KIAA1671: variants seen among roughly 807,000 people sequenced by gnomAD.
KIAA1671 encodes KIAA1671, also known as uncharacterized protein KIAA1671.
Under a neutral mutation model 131.2 loss-of-function variants are expected in KIAA1671, and 52 were observed. The ratio of observed to expected loss-of-function variants is 0.40; its 90% CI spans 0.32 to 0.50. KIAA1671 has a LOEUF of 0.50. Among genes scored for constraint, KIAA1671 ranks in the 20% least tolerant of loss-of-function variants. The pLI, the probability that KIAA1671 is intolerant of heterozygous loss-of-function variation, is 0.73. For synonymous variants in KIAA1671, 1,003 were observed against 961.6 expected (o/e 1.04, Z -0.80); for missense variants, 2,360 against 2,364.2 (o/e 1.00, Z 0.04).
intron 1 of KIAA1671, among the ~76,000 whole-genome samples, chr22:24,990,379 C>G (rs1229855460): frequency 2.0e-5 from 3 of 152,202 alleles, no homozygotes; most frequent in African/African-American, 7.2e-5. Context: ...GTGTGAGCCA[C>G]CTTGCCTGGC....
intron 4 of KIAA1671, among the ~76,000 whole-genome samples, chr22:25,036,425 A>G (rs1415375296): frequency 1.3e-5 from 2 of 152,172 alleles, no homozygotes; most frequent in Non-Finnish European, 2.9e-5. Flanking sequence ...AACATAAAAT[A>G]TATCATTTTA....
At chr22:25,122,150 A>T (rs537773826) in intron 6 of KIAA1671, among the ~76,000 whole-genome samples, 5 of 152,290 alleles carry the variant, frequency 3.3e-5, no homozygotes, top group African/African-American at 1.2e-4. Context: ...TTGGTGCATA[A>T]TAGTGAGGTA....
intron 6 of KIAA1671, among the ~76,000 whole-genome samples, chr22:25,165,564 T>TGTGGCTGAAATTCA (rs1933617305): frequency 6.6e-6 from 1 of 152,238 alleles, no homozygotes; most frequent in Non-Finnish European, 1.5e-5. Context: ...ATATGGCTAG[T>TGTGGCTGAAATTCA]GCCACAGGGG....
chr22:25,074,052 A>G (rs1928967933), intron 6 of KIAA1671, among the ~76,000 whole-genome samples: 1 of 152,130 alleles, frequency 6.6e-6, no homozygotes, highest in East Asian at 1.9e-4. Context: ...AAGTGAGAGC[A>G]TGTAGTATTT....
At chr22:25,148,440 C>G (rs1432409772) in intron 6 of KIAA1671, among the ~76,000 whole-genome samples, 1 of 152,276 alleles carries the variant, frequency 6.6e-6, no homozygotes, top group East Asian at 1.9e-4. Flanking sequence ...GGAGAGTGTG[C>G]TCCCTGGGCT....
chr22:24,956,180 A>G (rs368882098), intron 1 of KIAA1671, among the ~76,000 whole-genome samples: 3 of 152,232 alleles, frequency 2.0e-5, no homozygotes, highest in African/African-American at 7.2e-5. Context: ...CTCACTTTGA[A>G]GATCCCTTCC....
At chr22:25,072,248 A>G (rs1303161590) in intron 6 of KIAA1671, among the ~76,000 whole-genome samples, 2 of 152,146 alleles carry the variant, frequency 1.3e-5, no homozygotes, top group Non-Finnish European at 2.9e-5. Flanking sequence ...AGCTTTGTGG[A>G]GTGACAGAGT....
intron 6 of KIAA1671, among the ~76,000 whole-genome samples, chr22:25,165,283 C>T (rs1933608109): frequency 6.6e-6 from 1 of 152,158 alleles, no homozygotes; most frequent in Admixed American, 6.5e-5. Context: ...CAGTTATATT[C>T]ACCATAACCT....
chr22:25,022,475 C>T (rs1216541370), intron 1 of KIAA1671: 1 of 152,186 alleles, frequency 6.6e-6, no homozygotes, highest in African/African-American at 2.4e-5. Context: ...GAAGTAGGGT[C>T]ACAAGAGTGG....
chr22:25,055,441 G>C (rs972220547), intron 6 of KIAA1671: 4 of 149,840 alleles, frequency 2.7e-5, no homozygotes, highest in Non-Finnish European at 4.5e-5. Flanking sequence ...ACAAGTTGTG[G>C]GCTGGGCGCC....
chr22:24,979,420 G>C (rs1227302705), intron 1 of KIAA1671, among the ~76,000 whole-genome samples: 2 of 149,774 alleles, frequency 1.3e-5, no homozygotes, highest in African/African-American at 4.9e-5. Flanking sequence ...GGCTATCTCA[G>C]CTCACTGCAA....
intron 6 of KIAA1671, among the ~76,000 whole-genome samples, chr22:25,096,234 T>C (rs1034991902): frequency 6.6e-6 from 1 of 152,196 alleles, no homozygotes; most frequent in East Asian, 1.9e-4. Context: ...AAAAAGTGCT[T>C]GTGGCTGTTT....
intron 6 of KIAA1671, among the ~76,000 whole-genome samples, chr22:25,075,330 T>C (rs998364534): frequency 1.3e-4 from 20 of 152,180 alleles, no homozygotes; most frequent in Non-Finnish European, 2.4e-4. Context: ...AAAGTGTCAA[T>C]TGTGACAAGG....
At chr22:25,045,366 A>AT (rs1927165928) in intron 5 of KIAA1671, among the ~76,000 whole-genome samples, 4 of 152,164 alleles carry the variant, frequency 2.6e-5, no homozygotes, top group Non-Finnish European at 5.9e-5. Flanking sequence ...AGAGGTTGCT[A>AT]TTAGCGTCTC....
At chr22:25,037,028 T>G (rs1189925995) in intron 4 of KIAA1671, among the ~76,000 whole-genome samples, 1 of 152,136 alleles carries the variant, frequency 6.6e-6, no homozygotes. Flanking sequence ...ATTTACGTAT[T>G]AAAATATAAA....
Position 25,027,933 on chromosome 22 carries a change from T to G in KIAA1671, c.-55-12T>G. The G allele has an allele frequency of 8.2e-7, 1 of 1,216,506 alleles. No homozygotes were observed. The highest frequency in any genetic ancestry group is 1.6e-5 in the South Asian group (1 of 61,384). 75.4% of individuals were successfully genotyped at this position (1,216,506 alleles called of 1,614,324 possible). A position where few individuals can be genotyped will look rare whatever the true frequency, so the allele number is the denominator to read the frequency against. On this transcript the variant is annotated splice_polypyrimidine_tract_variant and intron_variant, in intron 2 of 12. Coordinates refer to ENST00000358431, the MANE Select transcript of KIAA1671 (RefSeq NM_001145206.2). ...TTCCAAATTTACTTGTTTGTTTGTT[T>G]TGTTTGTTTAGCAATTGCTTCTCCA...
At chr22:25,106,052 G>T (rs1186509079) in intron 6 of KIAA1671, among the ~76,000 whole-genome samples, 1 of 152,216 alleles carries the variant, frequency 6.6e-6, no homozygotes, top group Non-Finnish European at 1.5e-5. Flanking sequence ...TGATGGTGGT[G>T]GTGGTCTTTG....
At chr22:25,124,051 G>C (rs1047837252) in intron 6 of KIAA1671, among the ~76,000 whole-genome samples, 1 of 152,180 alleles carries the variant, frequency 6.6e-6, no homozygotes, top group Non-Finnish European at 1.5e-5. Context: ...TGTCTCATGT[G>C]TTCTTGCCCA....
At chr22:25,008,765 C>T (rs908306602) in intron 1 of KIAA1671, among the ~76,000 whole-genome samples, 1 of 152,210 alleles carries the variant, frequency 6.6e-6, no homozygotes, top group African/African-American at 2.4e-5. Flanking sequence ...TTTCCCAGGG[C>T]CCAGCACTTA....
Sources: gnomAD v4.1 joint callset for allele counts (sites outside exome capture counted in the v4.1 genomes callset) on GRCh38, gnomAD v4.1.1 for gene constraint, MANE v1.5 for transcripts, NCBI Gene and HGNC (gene_info 2026-07-23, HGNC 2026-07-21) for gene names.